Variants in CCSER1 observed in about 807,000 individuals in gnomAD.
CCSER1 encodes the protein serine-rich coiled-coil domain-containing protein 1.
A neutral mutation model predicts 82.0 loss-of-function variants in CCSER1; 41 were observed. The ratio of observed to expected loss-of-function variants is 0.50; its 90% CI spans 0.39 to 0.65. CCSER1 has a LOEUF of 0.65. Ranked by LOEUF, CCSER1 falls within the 30% of genes least tolerant of loss-of-function variation. CCSER1 has a pLI of 0.00. For missense variants in CCSER1, 1,119 were observed against 1,064.2 expected, an observed-to-expected ratio of 1.05 and a Z score of -0.72; for synonymous variants, 414 against 383.9, an observed-to-expected ratio of 1.08 and a Z score of -0.92.
chr4:90,988,317 A>G (rs1046750202), intron 9 of CCSER1, among the ~76,000 whole-genome samples: 2 of 138,644 alleles, frequency 1.4e-5, no homozygotes, highest in African/African-American at 2.7e-5. Flanking sequence ...CCTGGGAGAC[A>G]GAGTGATATC....
At chr4:91,207,442 C>T (rs538148515) in intron 10 of CCSER1, among the ~76,000 whole-genome samples, 3 of 151,806 alleles carry the variant, frequency 2.0e-5, no homozygotes, top group Non-Finnish European at 2.9e-5. Flanking sequence ...CATGTGTTTT[C>T]GTTATTTAGC....
intron 9 of CCSER1, among the ~76,000 whole-genome samples, chr4:91,054,546 A>G (rs1743277353): frequency 6.6e-6 from 1 of 151,988 alleles, no homozygotes; most frequent in Non-Finnish European, 1.5e-5. Flanking sequence ...TCTTTTGATT[A>G]CTATTTGCAT....
At chr4:90,482,561 G>T (rs1386849375) in intron 5 of CCSER1, among the ~76,000 whole-genome samples, 1 of 152,074 alleles carries the variant, frequency 6.6e-6, no homozygotes, top group Non-Finnish European at 1.5e-5. Context: ...CAGAGATTCT[G>T]GTATGTTGTG....
intron 10 of CCSER1, among the ~76,000 whole-genome samples, chr4:91,119,472 C>T (rs572805459): frequency 2.6e-5 from 4 of 152,032 alleles, no homozygotes; most frequent in Admixed American, 6.6e-5. Context: ...TTTAGATTCT[C>T]ATAACTTCTA....
chr4:90,595,162 A>C (rs1005514450), intron 5 of CCSER1, among the ~76,000 whole-genome samples: 1 of 151,954 alleles, frequency 6.6e-6, no homozygotes, highest in Admixed American at 6.6e-5. Flanking sequence ...TGTAATTTCG[A>C]ATGCAATGTA....
At chr4:91,302,730 A>G (rs1039109799) in intron 10 of CCSER1, among the ~76,000 whole-genome samples, 3 of 151,364 alleles carry the variant, frequency 2.0e-5, no homozygotes, top group Non-Finnish European at 4.4e-5. Context: ...ATCCTTCCAC[A>G]CTAGACTGAT....
At chr4:91,327,835 T>C (rs1746676411) in intron 10 of CCSER1, among the ~76,000 whole-genome samples, 1 of 152,196 alleles carries the variant, frequency 6.6e-6, no homozygotes, top group South Asian at 2.1e-4. Flanking sequence ...TTCCAGCAGA[T>C]ACCCTAAATC....
chr4:90,324,023 T>C (rs1313826106), intron 3 of CCSER1, among the ~76,000 whole-genome samples: 3 of 152,218 alleles, frequency 2.0e-5, no homozygotes, highest in African/African-American at 7.2e-5. Context: ...GGCTGCATAG[T>C]ATTCCATGGT....
chr4:90,280,158 A>G (rs1473494949), intron 1 of CCSER1, among the ~76,000 whole-genome samples: 2 of 152,010 alleles, frequency 1.3e-5, no homozygotes, highest in Non-Finnish European at 2.9e-5. Flanking sequence ...CAAACTAATG[A>G]ATCTGATTAA....
At position 91,086,011 on chromosome 4, in the gene CCSER1, AAG is replaced by A; in HGVS notation, c.2217+20_2217+21del. The A allele has an allele frequency of 2.0e-6, 3 of 1,473,152 alleles. No individual in the cohort carries two copies. The highest frequency in any genetic ancestry group is 2.8e-6 in the Non-Finnish European group (3 of 1,076,298). The allele number at this position is 1,473,152 out of a possible 1,614,324, so 91.3% of individuals were successfully genotyped here. ...GGGAGAGAGGTAAGAATGTTTAAAG[AAG>A]AGGGGTGGGAAAAAGAGGAAACATG... On this transcript the variant is annotated intron_variant, in intron 10 of 10. Transcript: ENST00000509176.
At chr4:90,540,656 A>G (rs1365641602) in intron 5 of CCSER1, among the ~76,000 whole-genome samples, 1 of 152,082 alleles carries the variant, frequency 6.6e-6, no homozygotes, top group African/African-American at 2.4e-5. Context: ...TAATTTCTAG[A>G]TTTAAATCTA....
At chr4:91,155,504 T>C (rs1250730518) in intron 10 of CCSER1, among the ~76,000 whole-genome samples, 1 of 151,908 alleles carries the variant, frequency 6.6e-6, no homozygotes, top group Non-Finnish European at 1.5e-5. Context: ...ACTTTGGAAA[T>C]AGGAGCCTGT....
intron 1 of CCSER1, among the ~76,000 whole-genome samples, chr4:90,207,438 C>T (rs1022429844): frequency 2.6e-5 from 4 of 152,092 alleles, no homozygotes; most frequent in Admixed American, 2.6e-4. Context: ...TGGGTTAGAA[C>T]ATGCTCCTTT....
At chr4:91,224,485 G>C (rs1737996113) in intron 10 of CCSER1, among the ~76,000 whole-genome samples, 1 of 152,054 alleles carries the variant, frequency 6.6e-6, no homozygotes, top group Non-Finnish European at 1.5e-5. Flanking sequence ...CTTTTCGTAT[G>C]TGCTATTAGT....
At chr4:90,573,626 G>A (rs1780369459) in intron 5 of CCSER1, among the ~76,000 whole-genome samples, 1 of 152,208 alleles carries the variant, frequency 6.6e-6, no homozygotes, top group Non-Finnish European at 1.5e-5. Flanking sequence ...TCTTGTGAAT[G>A]TAGTTTTCTT....
chr4:90,231,225 A>T (rs1323392051), intron 1 of CCSER1, among the ~76,000 whole-genome samples: 3 of 152,082 alleles, frequency 2.0e-5, no homozygotes, highest in Admixed American at 1.3e-4. Context: ...AATCCTCAAT[A>T]AAATACTGGC....
intron 7 of CCSER1, among the ~76,000 whole-genome samples, chr4:90,806,073 T>C (rs1324622507): frequency 1.3e-5 from 2 of 152,160 alleles, no homozygotes; most frequent in East Asian, 3.9e-4. Flanking sequence ...GTTTTTGTTA[T>C]ATAGTAATGG....
chr4:90,252,872 C>T (rs1314325347), intron 1 of CCSER1, among the ~76,000 whole-genome samples: 4 of 151,732 alleles, frequency 2.6e-5, no homozygotes, highest in African/African-American at 9.7e-5. Flanking sequence ...TTAATATAGC[C>T]ATTTTTGCAT....
rs1745765905 is a variant in CCSER1 at position 91,315,411 on chromosome 4, C to T, written c.2217+229417C>T. On this transcript the variant is annotated intron_variant, in intron 10 of 10. Transcript: ENST00000509176. ...AGTGCTGTATTTTTCATTATATTTC[C>T]ACTGCCAAACCCAGCGCCTGGCCAT... Among the ~76,000 whole-genome samples the T allele has an allele frequency of 4.6e-5, 7 of 151,948 alleles. No homozygotes were observed. The South Asian group carries it at 1.4e-3, about 31-fold the overall frequency.
Sources: gnomAD v4.1 joint callset for allele counts (sites outside exome capture counted in the v4.1 genomes callset) on GRCh38, gnomAD v4.1.1 for gene constraint, MANE v1.5 for transcripts, NCBI Gene and HGNC (gene_info 2026-07-23, HGNC 2026-07-21) for gene names.